The following CASR variants were observed in gnomAD, a reference collection of about 807,000 sequenced individuals.
The protein encoded by CASR is calcium sensing receptor.
Under a neutral mutation model 69.1 loss-of-function variants are expected in CASR, and 23 were observed. The ratio of observed to expected loss-of-function variants is 0.33; its 90% confidence interval spans 0.24 to 0.47. The LOEUF is 0.47. CASR is among the 20% of genes least tolerant of loss of function. The pLI is 1.00. For synonymous variants in CASR, 541 were observed against 544.7 expected (o/e 0.99, Z 0.10); for missense variants, 924 against 1,356.1 (o/e 0.68, Z 5.00).
chr3:122,212,405 T>C (rs970995372), intron 1 of CASR, among the ~76,000 whole-genome samples: 5 of 152,012 alleles, frequency 3.3e-5, no homozygotes, highest in Admixed American at 6.5e-5. Context: ...CTGGGGCCTG[T>C]GGAAGTTGGG....
At chr3:122,271,817 G>A (rs1445124882) in intron 4 of CASR, among the ~76,000 whole-genome samples, 1 of 152,032 alleles carries the variant, frequency 6.6e-6, no homozygotes, top group Non-Finnish European at 1.5e-5. Flanking sequence ...CTATACATTT[G>A]GACTTTCCTG....
chr3:122,252,413 G>GAAAGAAAGAA (rs2074501392), intron 1 of CASR, among the ~76,000 whole-genome samples: 1 of 20,698 alleles, frequency 4.8e-5, no homozygotes, highest in Non-Finnish European at 1.0e-4. Flanking sequence ...GAAGGAAAAA[G>GAAAGAAAGAA]AAAGAAAGAA....
Position 122,286,431 on chromosome 3 carries a change from T to C in CASR, c.*1240T>C, listed in dbSNP as rs199932958. ...TATGTGGATTAAACGAGATAATGTA[T>C]ATAAAGTACTTTAGCCTGGTACCTA... On this transcript the variant is annotated 3_prime_UTR_variant, in exon 7 of 7. Transcript: ENST00000639785. 6.6e-6 allele frequency: 1 copy of C among 152,264 alleles called. No individual in the cohort carries two copies. Among genetic ancestry groups the C allele is most frequent in the Non-Finnish European group, 1.5e-5 (1 of 68,034 alleles). The allele number at this position is 152,264 out of a possible 1,614,324, so 9.4% of individuals were successfully genotyped here.
intron 1 of CASR, among the ~76,000 whole-genome samples, chr3:122,248,472 T>TAAA (rs2074450294): frequency 6.6e-6 from 1 of 152,226 alleles, no homozygotes; most frequent in Non-Finnish European, 1.5e-5. Context: ...AGTATCTTTA[T>TAAA]GATCATTGTG....
intron 1 of CASR, among the ~76,000 whole-genome samples, chr3:122,227,529 T>C (rs4678187): frequency 0.72 from 109,124 of 152,144 alleles, 39,431 homozygotes; most frequent in Admixed American, 0.82. Context: ...AAGCACCGTG[T>C]GCAGCCCTGG....
At chr3:122,233,985 C>T (rs1208433382) in intron 1 of CASR, among the ~76,000 whole-genome samples, 3 of 152,208 alleles carry the variant, frequency 2.0e-5, no homozygotes, top group Non-Finnish European at 4.4e-5. Flanking sequence ...AAAGAAGTGA[C>T]CTCTATCTCT....
At chr3:122,252,448 A>AGAAAGAAAGAAAGAAAGAAAGAAAGAAAG (rs1288515427) in intron 1 of CASR, among the ~76,000 whole-genome samples, 2 of 96,114 alleles carry the variant, frequency 2.1e-5, no homozygotes, top group Non-Finnish European at 4.3e-5. Context: ...AAAGAAAGAA[A>AGAAAGAAAGAAAGAAAGAAAGAAAGAAAG]AAAAAGAAAA....
At chr3:122,260,953 G>A (rs900502122) in intron 3 of CASR, among the ~76,000 whole-genome samples, 3 of 152,154 alleles carry the variant, frequency 2.0e-5, no homozygotes, top group African/African-American at 2.4e-5. Flanking sequence ...GAGGGGAAGA[G>A]AGAAATTAGG....
chr3:122,271,659 T>C (rs578220518), intron 4 of CASR, among the ~76,000 whole-genome samples: 109 of 152,350 alleles, frequency 7.2e-4, no homozygotes, highest in African/African-American at 2.5e-3. Context: ...TTAAGTGGCT[T>C]TTAATACATT....
At chr3:122,212,884 C>T (rs1372983914) in intron 1 of CASR, among the ~76,000 whole-genome samples, 4 of 152,058 alleles carry the variant, frequency 2.6e-5, no homozygotes, top group South Asian at 2.1e-4. Flanking sequence ...TCAGGTGATC[C>T]GCTTGCCTCG....
At chr3:122,274,838 T>C (rs979312516) in intron 4 of CASR, among the ~76,000 whole-genome samples, 5 of 152,186 alleles carry the variant, frequency 3.3e-5, no homozygotes, top group African/African-American at 1.2e-4. Flanking sequence ...CCTGCCTTAC[T>C]CTCACGTGGT....
intron 1 of CASR, among the ~76,000 whole-genome samples, chr3:122,239,375 T>C (rs886876798): frequency 2.0e-5 from 3 of 152,178 alleles, no homozygotes; most frequent in Admixed American, 2.0e-4. Flanking sequence ...TGTCTTGTGG[T>C]TTAAGGGCCA....
intron 1 of CASR, among the ~76,000 whole-genome samples, chr3:122,188,775 C>T (rs1341461640): frequency 6.6e-6 from 1 of 152,162 alleles, no homozygotes; most frequent in Admixed American, 6.5e-5. Context: ...ACTTTTTTCT[C>T]CTTTTTCTCA....
chr3:122,188,677 T>A (rs1171661152), intron 1 of CASR, among the ~76,000 whole-genome samples: 3 of 152,250 alleles, frequency 2.0e-5, no homozygotes, highest in African/African-American at 7.2e-5. Context: ...AGACTTCACC[T>A]ATTTGTCATT....
chr3:122,275,284 C>A (rs370494011), intron 4 of CASR, among the ~76,000 whole-genome samples: 1 of 152,202 alleles, frequency 6.6e-6, no homozygotes, highest in South Asian at 2.1e-4. Flanking sequence ...AATGGCCGGG[C>A]TTTGCCCACA....
chr3:122,197,328 T>C (rs1316615092), intron 1 of CASR, among the ~76,000 whole-genome samples: 2 of 152,180 alleles, frequency 1.3e-5, no homozygotes, highest in African/African-American at 2.4e-5. Flanking sequence ...TAACTAAATG[T>C]CCTTTCCACC....
chr3:122,273,858 T>C (rs1280342685), intron 4 of CASR, among the ~76,000 whole-genome samples: 4 of 152,020 alleles, frequency 2.6e-5, no homozygotes, highest in Non-Finnish European at 4.4e-5. Context: ...AAGGATGTGT[T>C]GGGGTAGAGA....
In CASR at chr3:122,283,791, G is replaced by A. The variant is rs1060502842; in HGVS notation, c.1837G>A (p.Gly613Arg). 6.2e-7 allele frequency: 1 copy of A among 1,614,012 alleles called. No individual in the cohort carries two copies. Among genetic ancestry groups the A allele is most frequent in the African/African-American group, 1.3e-5 (1 of 74,898 alleles). Residue 613 changes from glycine to arginine, a missense_variant, in exon 7 of 7, where the codon GGG (glycine) becomes AGG (arginine). Transcript: ENST00000639785. ...GTTTCTGTCGTGGACGGAGCCCTTT[G>A]GGATCGCACTCACCCTCTTTGCCGT... ...IEFLSWTEPF[G>R]IALTLFAVLG... is the part of the protein sequence containing the mutation.
In CASR at chr3:122,284,736, G is replaced by A. The variant is rs1346664029; in HGVS notation, c.2782G>A (p.Glu928Lys). ...SNSEDPFPQP[E>K]RQKQQQPLAL... is the part of the protein sequence containing the mutation. ...CAGCGAAGACCCATTCCCACAGCCC[G>A]AGAGGCAGAAGCAGCAGCAGCCGCT... Residue 928 changes from glutamate (E) to lysine (K), a missense_variant, in exon 7 of 7, where the codon GAG becomes AAG. Glu to Lys is a moderately conservative substitution (Grantham distance 56). This residue lies in a region of CASR where 201 missense variants were observed against 228.8 expected (regional missense o/e 0.88). Transcript: ENST00000639785. 2.5e-6 allele frequency: 4 copies of A among 1,614,132 alleles called. No individual in the cohort carries two copies. Among genetic ancestry groups the A allele is most frequent in the South Asian group, 2.2e-5 (2 of 91,078 alleles).
Sources: allele counts gnomAD v4.1 joint callset (sites outside exome capture counted in the v4.1 genomes callset), GRCh38; gene constraint gnomAD v4.1.1; regional missense constraint gnomAD v4.1.1; transcripts MANE v1.5; gene names NCBI Gene and HGNC (gene_info 2026-07-23, HGNC 2026-07-21).